The following MIR2052HG variants were observed in gnomAD, a reference collection of about 807,000 sequenced individuals.
MIR2052HG encodes MIR2052 host gene.
chr8:74,679,275 C>G (rs952796708), intron 2 of MIR2052HG, among the ~76,000 whole-genome samples: 6 of 151,948 alleles, frequency 3.9e-5, no homozygotes, highest in African/African-American at 1.5e-4. Flanking sequence ...TCCCTGAAGT[C>G]CATTATATCA....
intron 4 of MIR2052HG, among the ~76,000 whole-genome samples, chr8:74,748,136 C>G (rs982647891): frequency 2.6e-5 from 4 of 152,078 alleles, no homozygotes; most frequent in African/African-American, 9.7e-5. Context: ...GGTACTTTCT[C>G]CCATGTCTCT....
At chr8:74,624,100 A>G (rs553090369) in intron 2 of MIR2052HG, among the ~76,000 whole-genome samples, 1 of 152,360 alleles carries the variant, frequency 6.6e-6, no homozygotes, top group African/African-American at 2.4e-5. Context: ...GAGAACTAAT[A>G]TATGTTTTAG....
At chr8:74,727,273 G>C (rs1269105226) in intron 4 of MIR2052HG, among the ~76,000 whole-genome samples, 1 of 152,126 alleles carries the variant, frequency 6.6e-6, no homozygotes, top group Non-Finnish European at 1.5e-5. Flanking sequence ...CAGCTAACTA[G>C]TCATGTTTAT....
intron 2 of MIR2052HG, among the ~76,000 whole-genome samples, chr8:74,639,730 T>G (rs957590484): frequency 1.3e-5 from 2 of 152,198 alleles, no homozygotes; most frequent in Non-Finnish European, 2.9e-5. Flanking sequence ...TATGTTCCTA[T>G]TGGACATTTT....
chr8:74,740,509 G>A (rs1809814678), intron 4 of MIR2052HG, among the ~76,000 whole-genome samples: 1 of 152,102 alleles, frequency 6.6e-6, no homozygotes, highest in African/African-American at 2.4e-5. Context: ...GATATGTTAG[G>A]CATCATGGGT....
intron 2 of MIR2052HG, among the ~76,000 whole-genome samples, chr8:74,613,488 ATT>A (rs1001202240): frequency 2.0e-5 from 3 of 150,598 alleles, no homozygotes; most frequent in Non-Finnish European, 4.4e-5. Context: ...GCAGGGATTC[ATT>A]TTTTTTTCAC....
chr8:74,661,552 C>T (rs557511374), intron 2 of MIR2052HG, among the ~76,000 whole-genome samples: 3 of 152,136 alleles, frequency 2.0e-5, no homozygotes, highest in Non-Finnish European at 4.4e-5. Context: ...TCCAGGGCCA[C>T]TGGGCATGGC....
chr8:74,660,726 G>A lies in MIR2052HG; in HGVS notation n.217-41653G>A, dbSNP rs187092624. ...CAACAACATCATCAATTACATGAGC[G>A]TTCAAGGGATGTGCCTTTGGAGATA... On this transcript the variant is annotated intron_variant and non_coding_transcript_variant, in intron 2 of 6. Coordinates refer to ENST00000523442, the Ensembl canonical transcript of MIR2052HG. 5.9e-5 allele frequency among the ~76,000 whole-genome samples: 9 copies of A among 152,192 alleles called. 1 individual carries two copies. Among genetic ancestry groups the A allele is most frequent in the East Asian group, 5.8e-4 (3 of 5,174 alleles).
intron 4 of MIR2052HG, among the ~76,000 whole-genome samples, chr8:74,718,070 C>T (rs1480876390): frequency 2.6e-5 from 4 of 152,128 alleles, no homozygotes; most frequent in Admixed American, 6.5e-5. Flanking sequence ...TACAATGTTA[C>T]GTTGATTACT....
intron 2 of MIR2052HG, among the ~76,000 whole-genome samples, chr8:74,676,631 G>A (rs981906101): frequency 1.3e-5 from 2 of 151,846 alleles, no homozygotes; most frequent in South Asian, 4.1e-4. Context: ...AGATATGTCA[G>A]TAGTCACAAT....
intron 4 of MIR2052HG, among the ~76,000 whole-genome samples, chr8:74,710,987 A>G (rs771814982): frequency 6.6e-6 from 1 of 152,178 alleles, no homozygotes; most frequent in Non-Finnish European, 1.5e-5. Context: ...GCTGTCATGG[A>G]CTGCCATCAT....
chr8:74,707,320 C>T (rs953627406), intron 4 of MIR2052HG, among the ~76,000 whole-genome samples: 1 of 152,104 alleles, frequency 6.6e-6, no homozygotes, highest in East Asian at 1.9e-4. Context: ...TCAGAATACA[C>T]CCATGCTGAC....
chr8:74,750,322 G>T (rs1156942148), intron 4 of MIR2052HG, among the ~76,000 whole-genome samples: 2 of 152,146 alleles, frequency 1.3e-5, no homozygotes, highest in African/African-American at 4.8e-5. Flanking sequence ...GAGTGGTTCA[G>T]TTATGTAGGT....
intron 2 of MIR2052HG, among the ~76,000 whole-genome samples, chr8:74,699,474 A>G (rs1489439999): frequency 6.6e-6 from 1 of 151,928 alleles, no homozygotes; most frequent in Non-Finnish European, 1.5e-5. Context: ...AAGGAACAAA[A>G]TAATGGCATT....
intron 5 of MIR2052HG, chr8:74,756,547 A>G (rs1272895905): frequency 6.6e-6 from 1 of 152,258 alleles, no homozygotes; most frequent in East Asian, 1.9e-4. Context: ...GGTATTTTTC[A>G]TCCCTACTTT....
intron 4 of MIR2052HG, among the ~76,000 whole-genome samples, chr8:74,744,470 C>T (rs897529541): frequency 3.3e-5 from 5 of 151,876 alleles, no homozygotes; most frequent in South Asian, 2.1e-4. Context: ...TGCTATCCGT[C>T]CCCCCTCCCC....
chr8:74,713,908 G>T (rs1273338875), intron 4 of MIR2052HG, among the ~76,000 whole-genome samples: 1 of 151,944 alleles, frequency 6.6e-6, no homozygotes, highest in East Asian at 1.9e-4. Flanking sequence ...GATTCAGAAG[G>T]TCAGCAAATG....
intron 4 of MIR2052HG, among the ~76,000 whole-genome samples, chr8:74,732,516 A>G (rs1027852632): frequency 6.6e-6 from 1 of 152,196 alleles, no homozygotes; most frequent in Non-Finnish European, 1.5e-5. Flanking sequence ...AACAAGACAG[A>G]CACATTCCTA....
chr8:74,633,551 T>G (rs767442501), intron 2 of MIR2052HG, among the ~76,000 whole-genome samples: 4 of 152,236 alleles, frequency 2.6e-5, no homozygotes, highest in Non-Finnish European at 4.4e-5. Flanking sequence ...CTTACCTTGC[T>G]AAATGACGGC....
Sources: gnomAD v4.1 joint callset for allele counts (sites outside exome capture counted in the v4.1 genomes callset) on GRCh38, gnomAD v4.1.1 for gene constraint, MANE v1.5 for transcripts, NCBI Gene and HGNC (gene_info 2026-07-23, HGNC 2026-07-21) for gene names.